CFAP96: variants seen among roughly 807,000 people sequenced by gnomAD.
CFAP96 encodes the protein cilia and flagella associated protein 96.
the CFAP96 span, chr4:185,436,327 G>T: frequency 2.6e-6 from 4 of 1,550,608 alleles, no homozygotes; most frequent in South Asian, 3.6e-5. Flanking sequence ...ACACTCTGCC[G>T]ACTTCTATGA....
chr4:185,411,466 T>G, the CFAP96 span, among the ~76,000 whole-genome samples: 1 of 152,150 alleles, frequency 6.6e-6, no homozygotes, highest in Non-Finnish European at 1.5e-5. Context: ...AGAAGAAAAT[T>G]ATAAGCCAGT....
the CFAP96 span, among the ~76,000 whole-genome samples, chr4:185,423,212 G>GA: frequency 1.3e-5 from 2 of 152,214 alleles, no homozygotes; most frequent in Admixed American, 1.3e-4. Flanking sequence ...ATTCTAATGT[G>GA]AATGGTTGAG....
the CFAP96 span, chr4:185,445,621 G>T: frequency 7.5e-6 from 7 of 937,372 alleles, no homozygotes; most frequent in South Asian, 1.7e-5. Context: ...ATATTATCAA[G>T]GTATCTTAAA....
chr4:185,426,108 G>A, the CFAP96 span: 1 of 579,432 alleles, frequency 1.7e-6, no homozygotes, highest in Non-Finnish European at 3.1e-6. Context: ...AGTCTTTTCT[G>A]TCCTACAGAA....
At chr4:185,413,382 T>C in the CFAP96 span, among the ~76,000 whole-genome samples, 1 of 152,100 alleles carries the variant, frequency 6.6e-6, no homozygotes. Flanking sequence ...AGCGAGACTC[T>C]GTCTCAAAAA....
chr4:185,449,452 G>A, the CFAP96 span: 2 of 512,436 alleles, frequency 3.9e-6, no homozygotes, highest in South Asian at 6.6e-5. Flanking sequence ...AAGCCTAGGA[G>A]GTTGAGGTTG....
chr4:185,416,159 T>C, the CFAP96 span: 1 of 200,820 alleles, frequency 5.0e-6, no homozygotes, highest in Non-Finnish European at 9.9e-6. Context: ...AAATATTATT[T>C]TAAAAAGAAA....
chr4:185,424,762 G>A, the CFAP96 span, among the ~76,000 whole-genome samples: 1 of 152,164 alleles, frequency 6.6e-6, no homozygotes, highest in Admixed American at 6.5e-5. Context: ...TTTTAACTCT[G>A]CTACTTACTG....
chr4:185,425,934 G>A, the CFAP96 span: 1 of 1,558,502 alleles, frequency 6.4e-7, no homozygotes, highest in South Asian at 1.2e-5. Context: ...CGGCCCTGAA[G>A]TGGTGTCACC....
At chr4:185,438,435 T>C in the CFAP96 span, among the ~76,000 whole-genome samples, 1,503 of 152,320 alleles carry the variant, frequency 9.9e-3, 35 homozygotes, top group African/African-American at 0.034. Flanking sequence ...AGTTTGAGTA[T>C]TTTTAATGTC....
At chr4:185,437,780 C>A in the CFAP96 span, among the ~76,000 whole-genome samples, 110 of 152,254 alleles carry the variant, frequency 7.2e-4, no homozygotes, top group African/African-American at 2.4e-3. Flanking sequence ...ACAGAAAAAG[C>A]TCTTTTATCC....
chr4:185,415,197 A>C, the CFAP96 span: 3 of 1,607,290 alleles, frequency 1.9e-6, no homozygotes, highest in Non-Finnish European at 2.5e-6. Context: ...TTCCTGAAGG[A>C]TATGAAATTG....
chr4:185,431,873 C>T, the CFAP96 span: 1 of 904,514 alleles, frequency 1.1e-6, no homozygotes, highest in East Asian at 2.6e-5. Flanking sequence ...CTTTAGAGCT[C>T]AAAATTCATA....
the CFAP96 span, among the ~76,000 whole-genome samples, chr4:185,435,055 A>G: frequency 6.6e-6 from 1 of 152,212 alleles, no homozygotes; most frequent in Non-Finnish European, 1.5e-5. Context: ...AACCGTAGGC[A>G]TTTAATACAT....
the CFAP96 span, chr4:185,425,945 G>A: frequency 5.9e-6 from 9 of 1,529,580 alleles, no homozygotes; most frequent in African/African-American, 1.4e-5. Context: ...TGGTGTCACC[G>A]CACGGCCCAG....
chr4:185,418,479 T>G, the CFAP96 span: 28 of 1,611,902 alleles, frequency 1.7e-5, no homozygotes, highest in Non-Finnish European at 2.3e-5. Flanking sequence ...CTCATGAATT[T>G]TCTTTTTATA....
At chr4:185,426,255 G>C in the CFAP96 span, 1 of 221,020 alleles carries the variant, frequency 4.5e-6, no homozygotes, top group East Asian at 1.1e-4. Flanking sequence ...GGAACGTGCA[G>C]AGGCGCTGCG....
At chr4:185,449,577 GT>G in the CFAP96 span, 1 of 1,492,622 alleles carries the variant, frequency 6.7e-7, no homozygotes, top group Non-Finnish European at 9.1e-7. Flanking sequence ...ATTAATGTGT[GT>G]TTATTTTCCA....
the CFAP96 span, chr4:185,436,090 C>T: frequency 1.9e-6 from 3 of 1,551,098 alleles, no homozygotes; most frequent in Admixed American, 2.0e-5. Flanking sequence ...GGTCCAGTCC[C>T]ATTTTTCAGC....
Sources: allele counts gnomAD v4.1 joint callset (sites outside exome capture counted in the v4.1 genomes callset), GRCh38; gene constraint gnomAD v4.1.1; transcripts MANE v1.5; gene names NCBI Gene and HGNC (gene_info 2026-07-23, HGNC 2026-07-21).